Variants in REC114 observed in about 807,000 individuals in gnomAD.
The protein encoded by REC114 is meiotic recombination protein REC114.
REC114 carries 27 observed loss-of-function variants against 31.3 expected under a neutral mutation model. That is an observed-to-expected ratio of 0.86 (90% CI 0.64 to 1.19). REC114 has a LOEUF of 1.19. Among genes scored for constraint, REC114 ranks in the 50% most tolerant of loss-of-function variants. The pLI is 0.00. For synonymous variants in REC114, 134 were observed against 127.7 expected, an observed-to-expected ratio of 1.05 and a Z score of -0.33; for missense variants, 344 against 326.9, an observed-to-expected ratio of 1.05 and a Z score of -0.40.
intron 2 of REC114, among the ~76,000 whole-genome samples, chr15:73,539,136 G>A (rs961168740): frequency 2.6e-5 from 4 of 151,968 alleles, no homozygotes; most frequent in Non-Finnish European, 5.9e-5. Context: ...ACAATTAACT[G>A]TATTTTTGGA....
intron 2 of REC114, among the ~76,000 whole-genome samples, chr15:73,524,525 A>G (rs1018816712): frequency 5.3e-5 from 8 of 152,192 alleles, no homozygotes; most frequent in Non-Finnish European, 8.8e-5. Context: ...TTAAAGTTGA[A>G]CAAACTTTAT....
chr15:73,447,325 G>T (rs1367312264), intron 1 of REC114, among the ~76,000 whole-genome samples: 1 of 152,210 alleles, frequency 6.6e-6, no homozygotes, highest in East Asian at 1.9e-4. Flanking sequence ...GATATTTATA[G>T]TCATGGGATT....
chr15:73,519,871 C>T (rs955421908), intron 2 of REC114, among the ~76,000 whole-genome samples: 3 of 152,114 alleles, frequency 2.0e-5, no homozygotes, highest in Admixed American at 2.0e-4. Context: ...AAGCCAGTCT[C>T]AAAATGACAA....
At chr15:73,500,734 T>G (rs1232358323) in intron 2 of REC114, among the ~76,000 whole-genome samples, 47 of 151,904 alleles carry the variant, frequency 3.1e-4, no homozygotes, top group East Asian at 1.7e-3. Context: ...TATTGTTTTT[T>G]TTTTTTTTTT....
intron 3 of REC114, among the ~76,000 whole-genome samples, chr15:73,549,039 G>GGA (rs1401961136): frequency 1.3e-5 from 2 of 152,080 alleles, no homozygotes; most frequent in Non-Finnish European, 2.9e-5. Flanking sequence ...GGTAGAGGAA[G>GGA]GAGAGGATCA....
At position 73,530,151 on chromosome 15, in the gene REC114, T is replaced by C. The variant is rs184494565; in HGVS notation, c.250-10334T>C. On this transcript the variant is annotated intron_variant, in intron 2 of 5. Transcript: ENST00000331090. ...AGCTATCTCAGTCTGAGATATGATA[T>C]TAAGTGTGGAATAGGTACTTTGAAG... Among the ~76,000 whole-genome samples, 6 of 152,334 alleles carry C rather than the reference T, an allele frequency of 3.9e-5. No individual in the cohort carries two copies. The South Asian group carries it at 1.2e-3, about 32-fold the overall frequency.
At position 73,506,145 on chromosome 15, in the gene REC114, TAAATG is replaced by T. The variant is rs935973504; in HGVS notation, c.249+32228_249+32232del. Among the ~76,000 whole-genome samples, 86 of 152,328 alleles carry T rather than the reference TAAATG, an allele frequency of 5.6e-4. 1 individual carries two copies. Among genetic ancestry groups the T allele is most frequent in the African/African-American group, 1.9e-3 (77 of 41,572 alleles). ...TTACTTATTTATGGAATAGGCTCCATAAATGAAAGGTTAAAAAAAGCTTTGTTATT... is the reference window on the plus strand; with the variant it reads ...TTACTTATTTATGGAATAGGCTCCATAAAGGTTAAAAAAAGCTTTGTTATT... On this transcript the variant is annotated intron_variant, in intron 2 of 5. Coordinates refer to ENST00000331090, the MANE Select transcript of REC114 (RefSeq NM_001042367.2).
chr15:73,543,215 C>T (rs1221168337), intron 3 of REC114, among the ~76,000 whole-genome samples: 1 of 152,186 alleles, frequency 6.6e-6, no homozygotes, highest in African/African-American at 2.4e-5. Flanking sequence ...TTCTCTTCTT[C>T]AAACTACGTA....
intron 1 of REC114, among the ~76,000 whole-genome samples, chr15:73,464,757 T>C (rs182581661): frequency 1.3e-5 from 2 of 152,278 alleles, no homozygotes; most frequent in African/African-American, 4.8e-5. Context: ...AACTGCAGCA[T>C]TGTCTTTGCC....
At chr15:73,484,479 C>T (rs1189423751) in intron 2 of REC114, among the ~76,000 whole-genome samples, 1 of 152,212 alleles carries the variant, frequency 6.6e-6, no homozygotes, top group Non-Finnish European at 1.5e-5. Context: ...ATCTCAAATT[C>T]ATTCTTTAAA....
chr15:73,492,930 A>G (rs1158401661), intron 2 of REC114, among the ~76,000 whole-genome samples: 1 of 151,842 alleles, frequency 6.6e-6, no homozygotes, highest in Non-Finnish European at 1.5e-5. Flanking sequence ...ATCTGTTGCA[A>G]TCTTCTGCAC....
intron 2 of REC114, among the ~76,000 whole-genome samples, chr15:73,526,158 A>G (rs1177657344): frequency 1.3e-5 from 2 of 152,128 alleles, no homozygotes; most frequent in African/African-American, 4.8e-5. Context: ...CAGTTTTCTT[A>G]TTATTAGAGT....
At chr15:73,443,427 C>G (rs1892724963) in intron 1 of REC114, 83 bp downstream of exon 1, 1 of 1,426,278 alleles carries the variant, frequency 7.0e-7, no homozygotes, top group African/African-American at 1.4e-5. Flanking sequence ...GGCCAGTGCC[C>G]CGAAAGCAAT....
At chr15:73,496,854 C>T (rs1893535916) in intron 2 of REC114, among the ~76,000 whole-genome samples, 1 of 151,900 alleles carries the variant, frequency 6.6e-6, no homozygotes, top group Admixed American at 6.6e-5. Flanking sequence ...CAGGATCTAA[C>T]CTAGGATTCC....
chr15:73,459,007 G>A (rs1464269835), intron 1 of REC114, among the ~76,000 whole-genome samples: 1 of 152,012 alleles, frequency 6.6e-6, no homozygotes, highest in Non-Finnish European at 1.5e-5. Context: ...GCCCCTGGTT[G>A]GAATAACAAA....
intron 2 of REC114, among the ~76,000 whole-genome samples, chr15:73,530,876 C>T (rs1280940168): frequency 3.3e-5 from 5 of 151,944 alleles, no homozygotes; most frequent in Non-Finnish European, 4.4e-5. Context: ...CACCAAAACA[C>T]CTTCTCACAT....
At chr15:73,511,368 A>G (rs1468473182) in intron 2 of REC114, among the ~76,000 whole-genome samples, 2 of 151,456 alleles carry the variant, frequency 1.3e-5, no homozygotes, top group Admixed American at 6.6e-5. Context: ...TGGTCTATCA[A>G]TTTTGTTGAT....
chr15:73,504,583 G>A (rs112815280), intron 2 of REC114, among the ~76,000 whole-genome samples: 15 of 152,130 alleles, frequency 9.9e-5, no homozygotes, highest in African/African-American at 3.6e-4. Context: ...GGTTTCTTTA[G>A]GAGTAGTTAT....
At position 73,559,942 on chromosome 15, in the gene REC114, G is replaced by T; in HGVS notation, c.*26G>T. ...TGCTCTATATACATATATAACTAAGGAACTTCAAAGTATTGAAAAATGCTT... is the reference window on the plus strand; with the variant it reads ...TGCTCTATATACATATATAACTAAGTAACTTCAAAGTATTGAAAAATGCTT... On this transcript the variant is annotated 3_prime_UTR_variant, in exon 6 of 6. Transcript: ENST00000331090. 1 of 1,538,836 alleles carries T rather than the reference G, an allele frequency of 6.5e-7. No homozygotes were observed. The highest frequency in any genetic ancestry group is 1.3e-5 in the South Asian group (1 of 77,666).
Sources: allele counts gnomAD v4.1 joint callset (sites outside exome capture counted in the v4.1 genomes callset), GRCh38; gene constraint gnomAD v4.1.1; transcripts MANE v1.5; gene names NCBI Gene and HGNC (gene_info 2026-07-23, HGNC 2026-07-21).